The following TRPV4 variants were observed in gnomAD, a reference collection of about 807,000 sequenced individuals.
TRPV4 encodes transient receptor potential cation channel subfamily V member 4.
TRPV4 carries 58 observed loss-of-function variants against 84.1 expected under a neutral mutation model. That is an observed-to-expected ratio of 0.69 (90% CI 0.56 to 0.86). The LOEUF is 0.86. TRPV4 is among the 40% of genes least tolerant of loss of function. TRPV4 has a pLI of 0.00. For synonymous variants in TRPV4, 489 were observed against 500.9 expected (o/e 0.98, Z 0.32); for missense variants, 879 against 1,181.1 (o/e 0.74, Z 3.75).
rs963868127 is a variant in TRPV4 at position 109,788,840 on chromosome 12, G to A, written c.1892-124C>T. ...GTGAGCGGAGCACGCTGGCCCACACGCTGACCCATGTCACCCTACACATCA... is the reference window on the plus strand; with the variant it reads ...GTGAGCGGAGCACGCTGGCCCACACACTGACCCATGTCACCCTACACATCA... On this transcript the variant is annotated intron_variant, in intron 12 of 15. Transcript: ENST00000261740. 3.2e-5 allele frequency: 35 copies of A among 1,086,598 alleles called. No homozygotes were observed. The Middle Eastern group carries it at 7.3e-4, about 23-fold the overall frequency. 67.3% of individuals were successfully genotyped at this position (1,086,598 alleles called of 1,614,324 possible).
chr12:109,816,959 T>C (rs986671441), intron 1 of TRPV4, among the ~76,000 whole-genome samples: 1 of 152,112 alleles, frequency 6.6e-6, no homozygotes, highest in African/African-American at 2.4e-5. Flanking sequence ...CATGGGCAAA[T>C]CACTTCCTCT....
chr12:109,811,100 G>A (rs1240765422), intron 2 of TRPV4, among the ~76,000 whole-genome samples: 1 of 152,100 alleles, frequency 6.6e-6, no homozygotes, highest in Non-Finnish European at 1.5e-5. Context: ...CCCTCTCTGT[G>A]ACTGCCCCTT....
Position 109,802,982 on chromosome 12 carries a change from G to A in TRPV4, c.712+9C>T. 2 of 1,613,612 alleles carry A rather than the reference G, an allele frequency of 1.2e-6. No individual in the cohort carries two copies. The highest frequency in any genetic ancestry group is 1.7e-6 in the Non-Finnish European group (2 of 1,179,942). On this transcript the variant is annotated intron_variant, in intron 4 of 15. Coordinates refer to ENST00000261740, the MANE Select transcript of TRPV4 (RefSeq NM_021625.5). ...CCCCGTGGCACCCCTGCCCAGCCCG[G>A]GGCCCCACCTCGATAGTAGATGTCA...
intron 12 of TRPV4, 34 bp downstream of exon 12, chr12:109,792,329 C>A: frequency 6.2e-7 from 1 of 1,602,306 alleles, no homozygotes; most frequent in Non-Finnish European, 8.5e-7. Context: ...CTTGCACCAC[C>A]CCTGCCAGGA....
chr12:109,809,525 A>C (rs866655572), intron 2 of TRPV4, among the ~76,000 whole-genome samples: 17 of 142,550 alleles, frequency 1.2e-4, no homozygotes, highest in South Asian at 4.6e-4. Context: ...CCACCCATCC[A>C]TCCACTACTC....
At chr12:109,809,867 T>G (rs1465183823) in intron 2 of TRPV4, among the ~76,000 whole-genome samples, 1 of 152,214 alleles carries the variant, frequency 6.6e-6, no homozygotes, top group Non-Finnish European at 1.5e-5. Context: ...AACAAACATT[T>G]GAGACAAATG....
chr12:109,783,359 AG>A lies in TRPV4; in HGVS notation c.*261del. On this transcript the variant is annotated 3_prime_UTR_variant, in exon 16 of 16. Coordinates refer to ENST00000261740, the MANE Select transcript of TRPV4 (RefSeq NM_021625.5). This position sits in a 1 kb window ranked among gnomAD's most constrained non-coding sequence, Gnocchi z 4.6. Reference sequence around the variant, plus strand: ...CAGAGCAAATAAATAATGGAGAGGCAGGGGCTGGGGCCTGAGGTGGAGGGGC... The same window carrying A: ...CAGAGCAAATAAATAATGGAGAGGCAGGGCTGGGGCCTGAGGTGGAGGGGC... 2.1e-6 allele frequency: 1 copy of A among 479,770 alleles called. No individual in the cohort carries two copies. Among genetic ancestry groups the A allele is most frequent in the East Asian group, 3.4e-5 (1 of 29,392 alleles). The allele number at this position is 479,770 out of a possible 1,614,324, so 29.7% of individuals were successfully genotyped here. A position where few individuals can be genotyped will look rare whatever the true frequency, so the allele number is the denominator to read the frequency against.
At chr12:109,820,806 A>G (rs1892070814) in intron 1 of TRPV4, among the ~76,000 whole-genome samples, 1 of 152,080 alleles carries the variant, frequency 6.6e-6, no homozygotes, top group African/African-American at 2.4e-5. Flanking sequence ...TATAGGCGTG[A>G]GCCACTACGC....
chr12:109,794,580 C>G (rs2136486267), intron 7 of TRPV4, 93 bp from the exon 8 acceptor site: 1 of 1,320,642 alleles, frequency 7.6e-7, no homozygotes, highest in Non-Finnish European at 1.1e-6. Context: ...CACCCTCCAC[C>G]CGGACAGCGC....
chr12:109,820,815 G>A (rs897328146), intron 1 of TRPV4, among the ~76,000 whole-genome samples: 5 of 152,064 alleles, frequency 3.3e-5, no homozygotes, highest in South Asian at 4.1e-4. Flanking sequence ...GAGCCACTAC[G>A]CCCGGCCCTC....
chr12:109,801,821 C>A (rs1259179355), intron 4 of TRPV4, among the ~76,000 whole-genome samples: 4 of 152,054 alleles, frequency 2.6e-5, no homozygotes, highest in African/African-American at 9.7e-5. Flanking sequence ...CAGAGCAAGA[C>A]CTTGTCTCAA....
rs150828451 is a variant in TRPV4, at chr12:109,798,996, C to T, written c.854-84G>A. 12,092 of 1,329,180 alleles carry T rather than the reference C, an allele frequency of 9.1e-3. 60 individuals carry two copies. Among genetic ancestry groups the T allele is most frequent in the Non-Finnish European group, 0.011 (10,054 of 954,622 alleles). The allele number at this position is 1,329,180 out of a possible 1,614,324, so 82.3% of individuals were successfully genotyped here. On this transcript the variant is annotated intron_variant, in intron 5 of 15. Transcript: ENST00000261740. The surrounding 1 kb of genome is among the most constrained non-coding windows in gnomAD (Gnocchi z 5.0). ...CTGCAGACACTCGGGGGACGGACAC[C>T]GTGGCGCTCTGAGGATAATGACGGA...
At chr12:109,792,484 T>G (rs1890110743) in intron 11 of TRPV4, 55 bp from the exon 12 acceptor site, 3 of 1,599,598 alleles carry the variant, frequency 1.9e-6, no homozygotes, top group Admixed American at 3.3e-5. Context: ...GTTTCTCACT[T>G]TCCCCATTCC....
At chr12:109,831,100 C>T (rs537374409) in intron 1 of TRPV4, among the ~76,000 whole-genome samples, 1 of 151,792 alleles carries the variant, frequency 6.6e-6, no homozygotes, top group Admixed American at 6.6e-5. Context: ...TCTGATTTAG[C>T]TCCTGCCTGT....
chr12:109,788,856 C>A, intron 12 of TRPV4, 140 bp from the exon 13 acceptor site: 1 of 959,186 alleles, frequency 1.0e-6, no homozygotes, highest in South Asian at 1.5e-5. Context: ...CCATGTCACC[C>A]TACACATCAG....
Position 109,793,665 on chromosome 12 carries a change from A to T in TRPV4, c.1585-65T>A. On this transcript the variant is annotated intron_variant, in intron 9 of 15. Transcript: ENST00000261740. This position sits in a 1 kb window ranked among gnomAD's most constrained non-coding sequence, Gnocchi z 4.0. ...GCAGGAGAGGAGAGGAGGAGAGAGG[A>T]GACAGAGAAAGGGATAGAAGAGAGG... The T allele has an allele frequency of 7.6e-7, 1 of 1,322,284 alleles. No homozygotes were observed. The highest frequency in any genetic ancestry group is 1.1e-6 in the Non-Finnish European group (1 of 915,514). The allele number at this position is 1,322,284 out of a possible 1,614,324, so 81.9% of individuals were successfully genotyped here.
intron 1 of TRPV4, among the ~76,000 whole-genome samples, chr12:109,823,233 T>C (rs1892159302): frequency 2.0e-5 from 3 of 152,052 alleles, no homozygotes; most frequent in Admixed American, 2.0e-4. Context: ...CCGCTTCCTG[T>C]TTGCTGCACA....
At chr12:109,817,106 G>A (rs937195458) in intron 1 of TRPV4, among the ~76,000 whole-genome samples, 1 of 152,200 alleles carries the variant, frequency 6.6e-6, no homozygotes, top group African/African-American at 2.4e-5. Flanking sequence ...CGACTGGCCA[G>A]ACAGGAGAGG....
At chr12:109,801,200 C>G (rs1051785544) in intron 4 of TRPV4, among the ~76,000 whole-genome samples, 2 of 152,226 alleles carry the variant, frequency 1.3e-5, no homozygotes, top group African/African-American at 2.4e-5. Context: ...GTGGTCCCAG[C>G]TACTCCAGAG....
Sources: allele counts gnomAD v4.1 joint callset (sites outside exome capture counted in the v4.1 genomes callset), GRCh38; gene constraint gnomAD v4.1.1; non-coding constraint Gnocchi (gnomAD v3.1); transcripts MANE v1.5; gene names NCBI Gene and HGNC (gene_info 2026-07-23, HGNC 2026-07-21).